COQ8A: variants seen among roughly 807,000 people sequenced by gnomAD.
COQ8A encodes the protein coenzyme Q8A.
A neutral mutation model predicts 65.0 loss-of-function variants in COQ8A; 51 were observed. That is an observed-to-expected ratio of 0.78 (90% CI 0.63 to 0.99). COQ8A has a LOEUF of 0.99. COQ8A is among the 50% of genes least tolerant of loss of function. The pLI is 0.00. For synonymous variants in COQ8A, 371 were observed against 353.2 expected (o/e 1.05, Z -0.57); for missense variants, 940 against 875.0 (o/e 1.07, Z -0.94).
chr1:226,981,646 A>T (rs954472574), intron 5 of COQ8A, among the ~76,000 whole-genome samples: 1 of 152,044 alleles, frequency 6.6e-6, no homozygotes, highest in Middle Eastern at 3.4e-3. Flanking sequence ...GCACCTCCTC[A>T]CCTGGGGTCC....
In COQ8A at chr1:226,943,762, C is replaced by G. The variant is rs75972246; in HGVS notation, c.-10+3363C>G. 2.8e-3 allele frequency among the ~76,000 whole-genome samples: 422 copies of G among 152,282 alleles called. 3 individuals are homozygous for G. Among genetic ancestry groups the G allele is most frequent in the African/African-American group, 9.7e-3 (402 of 41,552 alleles). ...TAGTGTGCAGTTCTGCGCAGTTTGA[C>G]AAACGCACATAGTCACATAACCCCT... is the stretch of plus-strand genomic sequence containing the variant. On this transcript the variant is annotated intron_variant, in intron 1 of 14. Coordinates refer to ENST00000366777, the MANE Select transcript of COQ8A (RefSeq NM_020247.5).
intron 4 of COQ8A, among the ~76,000 whole-genome samples, chr1:226,971,429 G>T (rs1287209110): frequency 6.6e-6 from 1 of 151,948 alleles, no homozygotes; most frequent in Non-Finnish European, 1.5e-5. Context: ...GTGGGTACCT[G>T]TAATCCCAGC....
Position 226,957,262 on chromosome 1 carries a change from C to T in COQ8A, c.-9-4115C>T, listed in dbSNP as rs114623811. 2.8e-3 allele frequency among the ~76,000 whole-genome samples: 409 copies of T among 144,240 alleles called. 4 individuals are homozygous for T. Among genetic ancestry groups the T allele is most frequent in the African/African-American group, 0.01 (394 of 39,122 alleles). 94.6% of individuals were successfully genotyped at this position (144,240 alleles called of 152,430 possible). ...CACACTCTCCCTGGCTCCTACTCTC[C>T]CAGATTCACACTCTCCCTGCCCCCC... On this transcript the variant is annotated intron_variant, in intron 1 of 14. Coordinates refer to ENST00000366777, the MANE Select transcript of COQ8A (RefSeq NM_020247.5).
At chr1:226,984,715 G>GT in intron 12 of COQ8A, 60 bp downstream of exon 12, 1 of 1,541,680 alleles carries the variant, frequency 6.5e-7, no homozygotes, top group African/African-American at 1.4e-5. Context: ...AATGGGGCAC[G>GT]TGAGGCCCTG....
At chr1:226,961,147 C>T (rs1229573994) in intron 1 of COQ8A, among the ~76,000 whole-genome samples, 2 of 152,188 alleles carry the variant, frequency 1.3e-5, no homozygotes, top group African/African-American at 2.4e-5. Context: ...AGCAAGCACA[C>T]CGCACCACTG....
chr1:226,978,562 AGCCACACAC>A, intron 5 of COQ8A, among the ~76,000 whole-genome samples: 1 of 70,102 alleles, frequency 1.4e-5, no homozygotes, highest in Non-Finnish European at 4.1e-5. Flanking sequence ...CACCCCCCAC[AGCCACACAC>A]CACCTTACAC....
chr1:226,946,454 G>A lies in COQ8A; in HGVS notation c.-10+6055G>A, dbSNP rs772324887. ...GCGTTGGGGCACGGAGGCATCTAGC[G>A]AGAGGTATCGCTGCAGAGGTGTCTG... On this transcript the variant is annotated intron_variant, in intron 1 of 14. Transcript: ENST00000366777. The surrounding 1 kb of genome is among the most constrained non-coding windows in gnomAD (Gnocchi z 5.3). Among the ~76,000 whole-genome samples, 3 of 152,146 alleles carry A rather than the reference G, an allele frequency of 2.0e-5. No homozygotes were observed. Among genetic ancestry groups the A allele is most frequent in the Non-Finnish European group, 4.4e-5 (3 of 68,024 alleles).
intron 3 of COQ8A, 77 bp downstream of exon 3, chr1:226,965,487 A>G (rs1034420990): frequency 2.2e-5 from 34 of 1,566,170 alleles, no homozygotes; most frequent in Non-Finnish European, 2.8e-5. Flanking sequence ...TGCTCTAGGG[A>G]CTTTTCCTGG....
At position 226,981,918 on chromosome 1, in the gene COQ8A, G is replaced by A. The variant is rs541156193; in HGVS notation, c.731-109G>A. 3.5e-5 allele frequency: 54 copies of A among 1,525,406 alleles called. No individual in the cohort carries two copies. In the African/African-American group the frequency reaches 3.8e-4, roughly 11 times the overall value. The allele number at this position is 1,525,406 out of a possible 1,614,324, so 94.5% of individuals were successfully genotyped here. ...TAGTTATGTTGCTGGTTTTATGGACGCCTGGGAGGAAGGACATTGTCTGAG... is the reference window on the plus strand; with the variant it reads ...TAGTTATGTTGCTGGTTTTATGGACACCTGGGAGGAAGGACATTGTCTGAG... On this transcript the variant is annotated intron_variant, in intron 5 of 14. Coordinates refer to ENST00000366777, the MANE Select transcript of COQ8A (RefSeq NM_020247.5).
At chr1:226,944,692 TGAGAGA>T (rs1174520293) in intron 1 of COQ8A, among the ~76,000 whole-genome samples, 35 of 86,708 alleles carry the variant, frequency 4.0e-4, no homozygotes, top group African/African-American at 4.7e-4. Flanking sequence ...AGTTGTACCC[TGAGAGA>T]GAGAGAGAGA....
At chr1:226,986,167 G>C (rs1056866539) in intron 14 of COQ8A, among the ~76,000 whole-genome samples, 2 of 152,124 alleles carry the variant, frequency 1.3e-5, no homozygotes, top group South Asian at 2.1e-4. Flanking sequence ...TTTTTGGCCA[G>C]AACAGTGTTT....
chr1:226,972,807 A>AG lies in COQ8A; in HGVS notation c.656-4642_656-4641insG, dbSNP rs397698904. Among the ~76,000 whole-genome samples, 2 of 151,704 alleles carry AG rather than the reference A, an allele frequency of 1.3e-5. No homozygotes were observed. Among genetic ancestry groups the AG allele is most frequent in the East Asian group, 1.9e-4 (1 of 5,188 alleles). On this transcript the variant is annotated intron_variant, in intron 4 of 14. Coordinates refer to ENST00000366777, the MANE Select transcript of COQ8A (RefSeq NM_020247.5). The surrounding 1 kb of genome is among the most constrained non-coding windows in gnomAD (Gnocchi z 4.3). ...CATGTAAGGACATTTAAAACAAAGC[A>AG]CCACTTTATACCATCACTTTATTTA...
chr1:226,957,780 G>A (rs1377347341), intron 1 of COQ8A, among the ~76,000 whole-genome samples: 1 of 152,174 alleles, frequency 6.6e-6, no homozygotes, highest in East Asian at 1.9e-4. Flanking sequence ...GCCCGTGGGG[G>A]TGTCTTTTGG....
At chr1:226,942,822 C>T (rs951193734) in intron 1 of COQ8A, among the ~76,000 whole-genome samples, 6 of 152,216 alleles carry the variant, frequency 3.9e-5, no homozygotes, top group Admixed American at 1.3e-4. Flanking sequence ...TCAGCCTGCT[C>T]ACCAAAGAGA....
In COQ8A at chr1:226,969,458, G is replaced by T. The variant is rs549199171; in HGVS notation, c.655+3721G>T. On this transcript the variant is annotated intron_variant, in intron 4 of 14. Transcript: ENST00000366777. The stretch of plus-strand genomic sequence containing the variant: ...AGACTACACGTGCGTGATAAGTCTC[G>T]ATCTCCTGACCTCATGATCCGCCCG... Among the ~76,000 whole-genome samples the T allele has an allele frequency of 1.1e-4, 16 of 152,148 alleles. No individual in the cohort carries two copies. In the South Asian group the frequency reaches 2.3e-3, roughly 22 times the overall value.
Position 226,965,109 on chromosome 1 carries a change from C to G in COQ8A, c.287C>G (p.Ala96Gly). 2.5e-6 allele frequency: 4 copies of G among 1,613,986 alleles called. No homozygotes were observed. The highest frequency in any genetic ancestry group is 1.3e-5 in the African/African-American group (1 of 75,070). The change falls in exon 3 of 15, where the codon GCC (alanine) becomes GGC (glycine). Residue 96 changes from alanine (A) to glycine (G), a missense_variant. Coordinates refer to ENST00000366777, the MANE Select transcript of COQ8A (RefSeq NM_020247.5). ...GGAGCCTCCACAGACTTCTCTTCAG[C>G]CTCCGCTCCCGACCAGTCAGCGCCC... is the stretch of plus-strand genomic sequence containing the variant. ...AAGASTDFSS[A>G]SAPDQSAPPS...
intron 1 of COQ8A, among the ~76,000 whole-genome samples, chr1:226,945,299 T>C (rs1036309258): frequency 2.0e-5 from 3 of 152,158 alleles, no homozygotes; most frequent in South Asian, 2.1e-4. Context: ...CTCATCACAA[T>C]ATATGCGGTG....
chr1:226,979,033 G>A (rs948699149), intron 5 of COQ8A, among the ~76,000 whole-genome samples: 3 of 152,172 alleles, frequency 2.0e-5, no homozygotes, highest in African/African-American at 7.2e-5. Context: ...GGTCTGGCCG[G>A]GTCAGGTGTG....
chr1:226,973,115 C>T (rs1428127009), intron 4 of COQ8A, among the ~76,000 whole-genome samples: 1 of 152,234 alleles, frequency 6.6e-6, no homozygotes, highest in Non-Finnish European at 1.5e-5. Context: ...GCATACAAGG[C>T]CAGCGACAAG....
Sources: allele counts gnomAD v4.1 joint callset (sites outside exome capture counted in the v4.1 genomes callset), GRCh38; gene constraint gnomAD v4.1.1; non-coding constraint Gnocchi (gnomAD v3.1); transcripts MANE v1.5; gene names NCBI Gene and HGNC (gene_info 2026-07-23, HGNC 2026-07-21).